The following NAA60 variants were observed in gnomAD, a reference collection of about 807,000 sequenced individuals.
The protein encoded by NAA60 is N-alpha-acetyltransferase 60, NatF catalytic subunit, also known as N-alpha-acetyltransferase 60.
NAA60 carries 8 observed loss-of-function variants against 26.1 expected under a neutral mutation model. That is an observed-to-expected ratio of 0.31 (90% CI 0.18 to 0.55). NAA60 has a LOEUF of 0.55. Ranked by LOEUF, NAA60 falls within the 20% of genes least tolerant of loss-of-function variation. The probability of loss-of-function intolerance (pLI) is 0.93; values close to 1 mark genes in which losing one functional copy is unlikely to be tolerated. For synonymous variants in NAA60, 131 were observed against 122.5 expected, an observed-to-expected ratio of 1.07 and a Z score of -0.46; for missense variants, 290 against 311.3, an observed-to-expected ratio of 0.93 and a Z score of 0.51.
At chr16:3,459,285 G>A (rs2035217987) in intron 2 of NAA60, among the ~76,000 whole-genome samples, 1 of 152,200 alleles carries the variant, frequency 6.6e-6, no homozygotes, top group Non-Finnish European at 1.5e-5. Context: ...TAGAAATGCG[G>A]CAGTCCATGT....
At chr16:3,455,396 T>G (rs796286909) in intron 2 of NAA60, among the ~76,000 whole-genome samples, 10 of 144,990 alleles carry the variant, frequency 6.9e-5, no homozygotes, top group Middle Eastern at 3.5e-3. Flanking sequence ...GTTTTTTTTT[T>G]TTTTTTTTTT....
chr16:3,451,128 C>T (rs2034767640), intron 2 of NAA60, among the ~76,000 whole-genome samples: 1 of 152,162 alleles, frequency 6.6e-6, no homozygotes, highest in Admixed American at 6.5e-5. Flanking sequence ...TCACGTAACT[C>T]CTCAAAGGCA....
chr16:3,476,496 G>C (rs1233219694), intron 3 of NAA60, among the ~76,000 whole-genome samples, 159 bp downstream of exon 3: 2 of 152,210 alleles, frequency 1.3e-5, no homozygotes, highest in Non-Finnish European at 2.9e-5. Context: ...ACCTCATCTA[G>C]GGACCCCTGC....
chr16:3,444,434 T>G (rs1163325946), intron 1 of NAA60, among the ~76,000 whole-genome samples: 1 of 152,118 alleles, frequency 6.6e-6, no homozygotes, highest in Non-Finnish European at 1.5e-5. Context: ...ATTGCCAGTT[T>G]ATAAAGGTGT....
chr16:3,465,313 A>AAG (rs2035680064), intron 2 of NAA60, among the ~76,000 whole-genome samples: 1 of 151,630 alleles, frequency 6.6e-6, no homozygotes. Flanking sequence ...CATCCGAAGC[A>AAG]AGAGAGGCAG....
chr16:3,463,551 T>TTAA (rs1460850479), intron 2 of NAA60, among the ~76,000 whole-genome samples: 1 of 113,924 alleles, frequency 8.8e-6, no homozygotes, highest in Non-Finnish European at 1.7e-5. Flanking sequence ...GACCCTGTGT[T>TTAA]AAAAAAAAAA....
Position 3,484,990 on chromosome 16 carries a change from G to A in NAA60, c.*135G>A, listed in dbSNP as rs780568922. ...CTGGGCTCGTCGGCCTGCCCCAGCT[G>A]CAGGCCCGGTGCTACACGGGCTCGG... On this transcript the variant is annotated 3_prime_UTR_variant, in exon 7 of 8. Coordinates refer to ENST00000407558, the MANE Select transcript of NAA60 (RefSeq NM_001083601.3). 2 of 1,527,970 alleles carry A rather than the reference G, an allele frequency of 1.3e-6. No individual in the cohort carries two copies. Among genetic ancestry groups the A allele is most frequent in the East Asian group, 2.5e-5 (1 of 40,662 alleles). The allele number at this position is 1,527,970 out of a possible 1,614,324, so 94.7% of individuals were successfully genotyped here. A position where few individuals can be genotyped will look rare whatever the true frequency, so the allele number is the denominator to read the frequency against.
chr16:3,466,723 G>C (rs1485341005), intron 2 of NAA60, among the ~76,000 whole-genome samples: 1 of 152,166 alleles, frequency 6.6e-6, no homozygotes, highest in African/African-American at 2.4e-5. Flanking sequence ...GGGCAGGACT[G>C]GGGTGGTGCT....
intron 5 of NAA60, 188 bp downstream of exon 5, chr16:3,482,786 C>T: frequency 1.6e-6 from 1 of 619,468 alleles, no homozygotes; most frequent in Non-Finnish European, 2.9e-6. Flanking sequence ...TGCCAGCACA[C>T]CCACCACCTT....
At chr16:3,460,261 G>A (rs933100178) in intron 2 of NAA60, among the ~76,000 whole-genome samples, 1 of 152,172 alleles carries the variant, frequency 6.6e-6, no homozygotes, top group African/African-American at 2.4e-5. Context: ...TTAAATGGCA[G>A]CTCCTCCACA....
chr16:3,468,071 G>A (rs1330537395), intron 2 of NAA60: 1 of 152,210 alleles, frequency 6.6e-6, no homozygotes, highest in Non-Finnish European at 1.5e-5. Flanking sequence ...GTTGAGGAAA[G>A]CAGCCAACCA....
rs778563316 is a variant in NAA60 at position 3,483,385 on chromosome 16, A to G, written c.360A>G (p.Leu120=). The G allele has an allele frequency of 4.3e-6, 7 of 1,612,166 alleles. No individual in the cohort carries two copies. Among genetic ancestry groups the G allele is most frequent in the Middle Eastern group, 1.6e-4 (1 of 6,084 alleles). The change falls in exon 6 of 8, where the codon TTA becomes TTG. Residue 120 remains leucine (L), a synonymous_variant. Transcript: ENST00000407558. ...HGIGSLLLES[L]KDHISTTAQD... is the part of the protein sequence containing the mutation. ...AAGGTTCCCTCTTACTTGAAAGTTT[A>G]AAGGATCACATATCAACCACCGCCC...
At chr16:3,466,156 C>G (rs747896158) in intron 2 of NAA60, among the ~76,000 whole-genome samples, 1 of 152,236 alleles carries the variant, frequency 6.6e-6, no homozygotes, top group Admixed American at 6.5e-5. Context: ...GGTGCCAGCA[C>G]CGGCAATTTG....
chr16:3,443,673 A>C (rs1045361997), upstream of NAA60: 4 of 1,379,302 alleles, frequency 2.9e-6, no homozygotes, highest in Admixed American at 3.1e-5. Flanking sequence ...TCTCTAAGCA[A>C]CCATTTCCGC....
At chr16:3,459,109 G>C (rs570536117) in intron 2 of NAA60, among the ~76,000 whole-genome samples, 1 of 152,346 alleles carries the variant, frequency 6.6e-6, no homozygotes, top group South Asian at 2.1e-4. Context: ...CAGCCCAACA[G>C]AGTAGTTCGC....
intron 2 of NAA60, among the ~76,000 whole-genome samples, chr16:3,473,552 A>T (rs564447942): frequency 6.6e-6 from 1 of 152,168 alleles, no homozygotes; most frequent in African/African-American, 2.4e-5. Flanking sequence ...ACAATTCAAG[A>T]TGAGATTTGG....
At chr16:3,458,805 C>G (rs1462721556) in intron 2 of NAA60, among the ~76,000 whole-genome samples, 1 of 152,202 alleles carries the variant, frequency 6.6e-6, no homozygotes, top group Non-Finnish European at 1.5e-5. Context: ...AACCCACACC[C>G]CCAGCTCCGA....
intron 2 of NAA60, among the ~76,000 whole-genome samples, chr16:3,473,886 C>G (rs868564790): frequency 1.3e-5 from 2 of 151,930 alleles, no homozygotes; most frequent in Non-Finnish European, 2.9e-5. Flanking sequence ...AGGCACCTGC[C>G]ATCATGCCTG....
intron 2 of NAA60, among the ~76,000 whole-genome samples, chr16:3,452,424 G>A (rs899526062): frequency 4.0e-5 from 6 of 151,778 alleles, no homozygotes; most frequent in Non-Finnish European, 5.9e-5. Context: ...GGAGGCTGAG[G>A]TGGGCAGATT....
Sources: allele counts gnomAD v4.1 joint callset (sites outside exome capture counted in the v4.1 genomes callset), GRCh38; gene constraint gnomAD v4.1.1; transcripts MANE v1.5; gene names NCBI Gene and HGNC (gene_info 2026-07-23, HGNC 2026-07-21).